SLC35D4: variants seen among roughly 807,000 people sequenced by gnomAD.
The protein encoded by SLC35D4 is UDP-N-acetylglucosamine transporter SLC35D4.
chr18:23,401,033 G>GT, the SLC35D4 span, among the ~76,000 whole-genome samples: 2 of 152,124 alleles, frequency 1.3e-5, no homozygotes, highest in African/African-American at 4.8e-5. Flanking sequence ...CACTTTGCTG[G>GT]TTTTTTCTTT....
At chr18:23,340,137 A>G in the SLC35D4 span, among the ~76,000 whole-genome samples, 3 of 152,100 alleles carry the variant, frequency 2.0e-5, no homozygotes, top group Admixed American at 1.3e-4. Context: ...AACTGTAAGA[A>G]TCTAGTGCTT....
chr18:23,264,664 A>G, the SLC35D4 span, among the ~76,000 whole-genome samples: 1 of 151,742 alleles, frequency 6.6e-6, no homozygotes, highest in African/African-American at 2.4e-5. Context: ...CCCAGCCGTC[A>G]TTTTTTTATT....
the SLC35D4 span, among the ~76,000 whole-genome samples, chr18:23,435,699 C>T: frequency 6.6e-6 from 1 of 152,206 alleles, no homozygotes; most frequent in African/African-American, 2.4e-5. Flanking sequence ...AACATCATTT[C>T]TTTTGTTGTT....
At chr18:23,244,490 G>C in the SLC35D4 span, among the ~76,000 whole-genome samples, 6 of 152,344 alleles carry the variant, frequency 3.9e-5, no homozygotes, top group South Asian at 1.2e-3. Flanking sequence ...GTGATTTACT[G>C]TCCTCTAAGG....
At chr18:23,410,732 G>A in the SLC35D4 span, among the ~76,000 whole-genome samples, 1 of 152,100 alleles carries the variant, frequency 6.6e-6, no homozygotes, top group African/African-American at 2.4e-5. Flanking sequence ...GAGAGGCAGA[G>A]GCTACAGTGG....
chr18:23,404,362 A>C, the SLC35D4 span, among the ~76,000 whole-genome samples: 1 of 152,164 alleles, frequency 6.6e-6, no homozygotes, highest in African/African-American at 2.4e-5. Context: ...GCCTTCATGA[A>C]TGGGATTAGT....
At chr18:23,404,616 C>T in the SLC35D4 span, among the ~76,000 whole-genome samples, 4 of 142,750 alleles carry the variant, frequency 2.8e-5, no homozygotes, top group Middle Eastern at 4.3e-3. Context: ...TGCGGCGGGC[C>T]GAGTAGAGGT....
the SLC35D4 span, among the ~76,000 whole-genome samples, chr18:23,286,979 G>A: frequency 1.1e-4 from 16 of 150,600 alleles, no homozygotes; most frequent in Non-Finnish European, 2.1e-4. Context: ...CCTCCTTGGC[G>A]ACTGATCATG....
the SLC35D4 span, chr18:23,298,207 G>T: frequency 1.1e-6 from 1 of 952,080 alleles, no homozygotes; most frequent in Non-Finnish European, 1.6e-6. Flanking sequence ...CATGCTTCCA[G>T]GTCAAGCCCA....
chr18:23,339,812 C>G, the SLC35D4 span, among the ~76,000 whole-genome samples: 86,186 of 151,958 alleles, frequency 0.57, 24,767 homozygotes, highest in Admixed American at 0.67. Flanking sequence ...TCTCTGGGAC[C>G]TCTTTTACAA....
At chr18:23,238,525 C>T in the SLC35D4 span, among the ~76,000 whole-genome samples, 2 of 152,210 alleles carry the variant, frequency 1.3e-5, no homozygotes, top group Admixed American at 6.5e-5. Context: ...TGTATAATTA[C>T]TTTTCTTCCA....
At chr18:23,409,121 G>A in the SLC35D4 span, among the ~76,000 whole-genome samples, 1 of 151,550 alleles carries the variant, frequency 6.6e-6, no homozygotes, top group South Asian at 2.1e-4. Flanking sequence ...GGCAACAAGA[G>A]TGAAACTCCA....
the SLC35D4 span, among the ~76,000 whole-genome samples, chr18:23,432,695 AAAG>A: frequency 9.3e-4 from 141 of 151,424 alleles, 1 homozygote; most frequent in African/African-American, 3.1e-3. Context: ...AAAAAAAAAA[AAAG>A]AAAGAGAAGG....
At chr18:23,311,758 G>A in the SLC35D4 span, among the ~76,000 whole-genome samples, 2 of 152,028 alleles carry the variant, frequency 1.3e-5, no homozygotes, top group Non-Finnish European at 2.9e-5. Flanking sequence ...ATATTTAGCT[G>A]TTTGAAGAAA....
At chr18:23,253,138 C>T in the SLC35D4 span, 2 of 849,838 alleles carry the variant, frequency 2.4e-6, no homozygotes, top group East Asian at 5.0e-5. Flanking sequence ...AGCTTGTCAT[C>T]TGTCCAGTGG....
chr18:23,371,477 C>A, the SLC35D4 span: 1 of 1,589,350 alleles, frequency 6.3e-7, no homozygotes, highest in African/African-American at 1.4e-5. Context: ...TAAACTGAAA[C>A]ACAAAATTAA....
the SLC35D4 span, among the ~76,000 whole-genome samples, chr18:23,425,670 A>G: frequency 1.3e-5 from 2 of 152,168 alleles, no homozygotes; most frequent in Admixed American, 1.3e-4. Flanking sequence ...GCAAAACTCA[A>G]AAGCTGAAGT....
chr18:23,364,378 G>A, the SLC35D4 span, among the ~76,000 whole-genome samples: 3 of 152,216 alleles, frequency 2.0e-5, no homozygotes, highest in East Asian at 5.8e-4. Flanking sequence ...GCCAAGGAAA[G>A]TTCCAATCCT....
At chr18:23,342,153 G>A in the SLC35D4 span, among the ~76,000 whole-genome samples, 3 of 152,154 alleles carry the variant, frequency 2.0e-5, no homozygotes, top group Non-Finnish European at 4.4e-5. Flanking sequence ...TAACTTAAAT[G>A]ATGATGCAAC....
Sources: allele counts gnomAD v4.1 joint callset (sites outside exome capture counted in the v4.1 genomes callset), GRCh38; gene constraint gnomAD v4.1.1; transcripts MANE v1.5; gene names NCBI Gene and HGNC (gene_info 2026-07-23, HGNC 2026-07-21).